IL1RAPL2: variants seen among roughly 807,000 people sequenced by gnomAD.
IL1RAPL2 encodes X-linked interleukin-1 receptor accessory protein-like 2.
IL1RAPL2 carries 3 observed loss-of-function variants against 44.1 expected under a neutral mutation model. The observed-to-expected ratio is 0.07, with a 90% CI of 0.03 to 0.18. The LOEUF (loss-of-function observed/expected upper bound fraction) is 0.18, where lower values mean the gene tolerates loss of function less well. Ranked by LOEUF, IL1RAPL2 falls within the 10% of genes least tolerant of loss-of-function variation. The probability of loss-of-function intolerance (pLI) is 1.00; values close to 1 mark genes in which losing one functional copy is unlikely to be tolerated. For missense variants in IL1RAPL2, 391 were observed against 496.4 expected, an observed-to-expected ratio of 0.79 and a Z score of 2.02; for synonymous variants, 181 against 178.8, an observed-to-expected ratio of 1.01 and a Z score of -0.10.
intron 6 of IL1RAPL2, among the ~76,000 whole-genome samples, chrX:105,667,609 T>A (rs2037781442): frequency 8.9e-6 from 1 of 112,046 alleles, no homozygotes; most frequent in Non-Finnish European, 1.9e-5. Context: ...TTTTGCCATT[T>A]ATCCACAAAA....
At chrX:105,003,012 G>A (rs2030879103) in intron 2 of IL1RAPL2, among the ~76,000 whole-genome samples, 1 of 111,310 alleles carries the variant, frequency 9.0e-6, no homozygotes, top group South Asian at 3.7e-4. Context: ...CTGGATGGGA[G>A]GATGCAATCA....
chrX:105,186,037 T>C (rs1311735418), intron 2 of IL1RAPL2, among the ~76,000 whole-genome samples: 1 of 111,965 alleles, frequency 8.9e-6, no homozygotes, highest in Non-Finnish European at 1.9e-5. Context: ...TTGTATTAGG[T>C]ATTATAAATA....
At chrX:105,039,854 T>G (rs989675440) in intron 2 of IL1RAPL2, among the ~76,000 whole-genome samples, 1 of 111,265 alleles carries the variant, frequency 9.0e-6, no homozygotes, top group African/African-American at 3.3e-5. Context: ...CCTTTTTTCC[T>G]AATTGAGTAC....
chrX:105,223,507 T>C (rs952942735), intron 3 of IL1RAPL2, among the ~76,000 whole-genome samples: 2 of 112,234 alleles, frequency 1.8e-5, no homozygotes, highest in Non-Finnish European at 3.8e-5. Context: ...AAACATGAAC[T>C]TCAGTTTGTG....
chrX:104,954,021 A>T (rs1248199682), intron 2 of IL1RAPL2, among the ~76,000 whole-genome samples: 1 of 111,418 alleles, frequency 9.0e-6, no homozygotes, highest in Admixed American at 9.5e-5. Context: ...GTCCAGGGAC[A>T]GTTATGCTGA....
chrX:104,901,359 T>C (rs1392149632), intron 2 of IL1RAPL2, among the ~76,000 whole-genome samples: 1 of 107,850 alleles, frequency 9.3e-6, no homozygotes, highest in Non-Finnish European at 1.9e-5. Context: ...TACAGGCGCC[T>C]GCCACCACGC....
chrX:104,891,086 T>G (rs1353247130), intron 2 of IL1RAPL2, among the ~76,000 whole-genome samples: 1 of 111,796 alleles, frequency 8.9e-6, no homozygotes, highest in Non-Finnish European at 1.9e-5. Context: ...TTTTGTCAGG[T>G]TTGTCAAAGA....
chrX:105,757,172 C>A (rs985206719), intron 10 of IL1RAPL2, among the ~76,000 whole-genome samples: 1 of 111,859 alleles, frequency 8.9e-6, no homozygotes, highest in Non-Finnish European at 1.9e-5. Flanking sequence ...TCTAGCCAAA[C>A]TGTGCCTTTG....
intron 2 of IL1RAPL2, among the ~76,000 whole-genome samples, chrX:104,717,813 T>A (rs1931602859): frequency 9.3e-6 from 1 of 107,845 alleles, no homozygotes; most frequent in Admixed American, 1.0e-4. Context: ...TGTCCATGTG[T>A]TCTCATTGTT....
rs377277200 is a variant in IL1RAPL2, at chrX:104,895,988, C to T, written c.82+236993C>T. ...CCAAAACCACCAAGGCCTAGACCTC[C>T]TCATTGCTGAGAAAGGAGGACTCTG... On this transcript the variant is annotated intron_variant, in intron 2 of 10. Transcript: ENST00000372582. Among the ~76,000 whole-genome samples, 7 of 112,230 alleles carry T rather than the reference C, an allele frequency of 6.2e-5. No individual in the cohort carries two copies. The East Asian group carries it at 2.0e-3, about 32-fold the overall frequency.
chrX:104,712,942 T>C (rs1931487107), intron 2 of IL1RAPL2, among the ~76,000 whole-genome samples: 1 of 110,970 alleles, frequency 9.0e-6, no homozygotes, highest in South Asian at 3.8e-4. Context: ...GAACTTTTTT[T>C]CAGATTGATA....
chrX:105,663,864 A>G (rs2037738216), intron 6 of IL1RAPL2, among the ~76,000 whole-genome samples: 1 of 112,080 alleles, frequency 8.9e-6, no homozygotes, highest in African/African-American at 3.2e-5. Context: ...GTAAAAAAGA[A>G]AAGAAAAGAA....
chrX:105,016,375 C>T (rs1412164976), intron 2 of IL1RAPL2, among the ~76,000 whole-genome samples: 1 of 111,332 alleles, frequency 9.0e-6, no homozygotes, highest in Non-Finnish European at 1.9e-5. Flanking sequence ...TAAGAGAGGG[C>T]ATCCTTGCCT....
intron 2 of IL1RAPL2, among the ~76,000 whole-genome samples, chrX:104,749,357 G>C (rs906750600): frequency 2.7e-5 from 3 of 110,869 alleles, no homozygotes; most frequent in Non-Finnish European, 5.7e-5. Flanking sequence ...CTTCCCTACA[G>C]GGTCTTGACA....
At chrX:104,774,939 T>A (rs969017856) in intron 2 of IL1RAPL2, among the ~76,000 whole-genome samples, 8 of 111,665 alleles carry the variant, frequency 7.2e-5, no homozygotes, top group Admixed American at 5.7e-4. Context: ...TTACGTTCTT[T>A]TACCAGTCAC....
intron 6 of IL1RAPL2, among the ~76,000 whole-genome samples, chrX:105,534,271 A>G (rs1380243657): frequency 8.9e-6 from 1 of 111,948 alleles, no homozygotes; most frequent in Non-Finnish European, 1.9e-5. Flanking sequence ...AAAAATTTAT[A>G]TTTCTAATTA....
intron 2 of IL1RAPL2, among the ~76,000 whole-genome samples, chrX:105,011,249 A>G (rs1329818109): frequency 9.2e-6 from 1 of 108,399 alleles, no homozygotes; most frequent in Non-Finnish European, 1.9e-5. Flanking sequence ...GGAAAATGGC[A>G]TTAATATTTA....
intron 5 of IL1RAPL2, among the ~76,000 whole-genome samples, chrX:105,334,631 A>G (rs1165835198): frequency 8.9e-6 from 1 of 111,866 alleles, no homozygotes; most frequent in Non-Finnish European, 1.9e-5. Context: ...CCATGAATAT[A>G]TACACCTACT....
intron 6 of IL1RAPL2, among the ~76,000 whole-genome samples, chrX:105,617,627 A>G (rs1293897309): frequency 2.7e-5 from 3 of 111,851 alleles, no homozygotes; most frequent in Non-Finnish European, 5.6e-5. Context: ...GTTACCTACA[A>G]TTTCACATAA....
Sources: gnomAD v4.1 joint callset for allele counts (sites outside exome capture counted in the v4.1 genomes callset) on GRCh38, gnomAD v4.1.1 for gene constraint, MANE v1.5 for transcripts, NCBI Gene and HGNC (gene_info 2026-07-23, HGNC 2026-07-21) for gene names.